The following PRRT1B variants were observed in gnomAD, a reference collection of about 807,000 sequenced individuals.
The protein encoded by PRRT1B is proline rich transmembrane protein 1B.
chr9:131,547,521 T>A (rs1046699911), intron 1 of PRRT1B, among the ~76,000 whole-genome samples: 9 of 152,200 alleles, frequency 5.9e-5, no homozygotes, highest in Non-Finnish European at 1.3e-4. Context: ...GTCCCTTCGC[T>A]GACTCTTTTC....
At chr9:131,548,203 C>T (rs1353013622) in intron 1 of PRRT1B, among the ~76,000 whole-genome samples, 1 of 151,778 alleles carries the variant, frequency 6.6e-6, no homozygotes, top group Non-Finnish European at 1.5e-5. Flanking sequence ...CCTGGGGGGA[C>T]AAGCATCCCC....
At chr9:131,550,399 T>A (rs1301150372) in intron 1 of PRRT1B, among the ~76,000 whole-genome samples, 1 of 152,166 alleles carries the variant, frequency 6.6e-6, no homozygotes, top group Non-Finnish European at 1.5e-5. Context: ...CTGACACCCA[T>A]CAGGCTCAGC....
At chr9:131,550,108 C>T (rs1951000832) in intron 1 of PRRT1B, among the ~76,000 whole-genome samples, 1 of 152,198 alleles carries the variant, frequency 6.6e-6, no homozygotes, top group Non-Finnish European at 1.5e-5. Flanking sequence ...TTATCACTCG[C>T]CTGCTACAGC....
intron 1 of PRRT1B, among the ~76,000 whole-genome samples, chr9:131,552,852 T>A (rs1241679848): frequency 6.8e-6 from 1 of 146,154 alleles, no homozygotes; most frequent in East Asian, 2.0e-4. Context: ...TTTTTTTTTT[T>A]TTTTTTGTAT....
intron 1 of PRRT1B, 88 bp from the exon 2 acceptor site, chr9:131,554,469 G>C (rs1370478266): frequency 2.7e-6 from 1 of 365,430 alleles, no homozygotes; most frequent in Non-Finnish European, 4.9e-6. Flanking sequence ...CAGAGGGCTG[G>C]GAGCTTGGTT....
intron 1 of PRRT1B, among the ~76,000 whole-genome samples, chr9:131,548,839 A>C (rs181909590): frequency 2.6e-4 from 40 of 152,246 alleles, no homozygotes; most frequent in Non-Finnish European, 4.6e-4. Context: ...TTACAGTTTA[A>C]TTCTGCGACT....
chr9:131,552,777 A>C (rs1456543120), intron 1 of PRRT1B, among the ~76,000 whole-genome samples: 1 of 150,868 alleles, frequency 6.6e-6, no homozygotes, highest in African/African-American at 2.4e-5. Flanking sequence ...GGCTTGAGCA[A>C]TTCTCCTGCC....
At chr9:131,554,443 C>T (rs1418861984) in intron 1 of PRRT1B, 114 bp from the exon 2 acceptor site, 2 of 364,846 alleles carry the variant, frequency 5.5e-6, no homozygotes, top group East Asian at 3.9e-5. Flanking sequence ...CGTCACGATC[C>T]TATGAGGCCC....
chr9:131,549,808 T>C (rs571224059), intron 1 of PRRT1B, among the ~76,000 whole-genome samples: 13 of 152,340 alleles, frequency 8.5e-5, no homozygotes, highest in South Asian at 4.1e-4. Flanking sequence ...CACTCTTTTT[T>C]AGTTATCCCC....
At chr9:131,552,011 T>C (rs1006661384) in intron 1 of PRRT1B, among the ~76,000 whole-genome samples, 2 of 152,202 alleles carry the variant, frequency 1.3e-5, no homozygotes, top group Non-Finnish European at 2.9e-5. Flanking sequence ...CAGGCTGGTC[T>C]GGAACTCCTG....
chr9:131,554,971 C>T, exon 2 of PRRT1B: 1 of 392,036 alleles, frequency 2.6e-6, no homozygotes, highest in Admixed American at 4.5e-5. Context: ...TACCCAGCCG[C>T]GCCCACGCCG....
intron 1 of PRRT1B, 27 bp downstream of exon 1, chr9:131,545,667 ACAGGTACTGGCGGGG>A (rs774842790): frequency 0.12 from 44,676 of 383,366 alleles, 4,736 homozygotes; most frequent in African/African-American, 0.42. Flanking sequence ...TGCTGGTGGG[ACAGGTACTGGCGGGG>A]CAGGTACTGG....
intron 1 of PRRT1B, among the ~76,000 whole-genome samples, chr9:131,550,077 C>A (rs1951000663): frequency 6.6e-6 from 1 of 152,150 alleles, no homozygotes; most frequent in South Asian, 2.1e-4. Context: ...CCACAGCACG[C>A]TTTAAAAGGA....
intron 1 of PRRT1B, among the ~76,000 whole-genome samples, chr9:131,547,471 C>T (rs760214768): frequency 2.0e-5 from 3 of 152,184 alleles, no homozygotes; most frequent in Non-Finnish European, 2.9e-5. Context: ...CTGTAATTTT[C>T]CTTTACCTAC....
At chr9:131,554,103 C>G (rs1210289141) in intron 1 of PRRT1B, among the ~76,000 whole-genome samples, 11 of 152,202 alleles carry the variant, frequency 7.2e-5, no homozygotes, top group African/African-American at 1.9e-4. Flanking sequence ...GGGCACCTCA[C>G]CCCTCCCCTA....
At position 131,556,223 on chromosome 9, in the gene PRRT1B, G is replaced by GC; in HGVS notation, c.642+10_642+11insC. The GC allele has an allele frequency of 5.0e-6, 2 of 400,940 alleles. No homozygotes were observed. Among genetic ancestry groups the GC allele is most frequent in the Non-Finnish European group, 4.4e-6 (1 of 226,414 alleles). The allele number at this position is 400,940 out of a possible 1,614,324, so 24.8% of individuals were successfully genotyped here. On this transcript the variant is annotated intron_variant, in intron 3 of 3. Coordinates refer to ENST00000636672, the Ensembl canonical transcript of PRRT1B. ...CGTCTACTCCCACGAGGTAGGTGCG[G>GC]GGGCGGCCCTGGGCACAGCCTCTCC...
chr9:131,546,790 A>G (rs995500069), intron 1 of PRRT1B, among the ~76,000 whole-genome samples: 1 of 151,952 alleles, frequency 6.6e-6, no homozygotes, highest in Non-Finnish European at 1.5e-5. Context: ...CAGCAGATTT[A>G]TTTACTCTGG....
intron 1 of PRRT1B, among the ~76,000 whole-genome samples, chr9:131,552,930 C>T (rs1951021612): frequency 6.6e-6 from 1 of 151,566 alleles, no homozygotes; most frequent in Non-Finnish European, 1.5e-5. Flanking sequence ...AGATGATCCA[C>T]CTGCCTCGGC....
exon 1 of PRRT1B, chr9:131,545,619 G>A (rs1415097674): frequency 2.3e-5 from 9 of 399,592 alleles, no homozygotes; most frequent in Non-Finnish European, 1.8e-5. Context: ...TCGGACCATG[G>A]AGGCAGGAGC....
Sources: allele counts gnomAD v4.1 joint callset (sites outside exome capture counted in the v4.1 genomes callset), GRCh38; gene constraint gnomAD v4.1.1; transcripts MANE v1.5; gene names NCBI Gene and HGNC (gene_info 2026-07-23, HGNC 2026-07-21).